Variants in PTPN13 observed in about 807,000 individuals in gnomAD.
PTPN13 encodes the protein tyrosine-protein phosphatase non-receptor type 13.
PTPN13 carries 191 observed loss-of-function variants against 284.0 expected under a neutral mutation model. The ratio of observed to expected loss-of-function variants is 0.67; its 90% CI spans 0.60 to 0.76. The LOEUF is 0.76. Ranked by LOEUF, PTPN13 falls within the 30% of genes least tolerant of loss-of-function variation. The pLI is 0.00. For synonymous variants in PTPN13, 986 were observed against 1,022.3 expected, an observed-to-expected ratio of 0.96 and a Z score of 0.68; for missense variants, 2,797 against 2,939.9, an observed-to-expected ratio of 0.95 and a Z score of 1.12.
chr4:86,806,263 G>A (rs1019926163), intron 44 of PTPN13, among the ~76,000 whole-genome samples: 1 of 151,654 alleles, frequency 6.6e-6, no homozygotes, highest in African/African-American at 2.4e-5. Context: ...ATGAATGTGT[G>A]TGCCAAAATA....
chr4:86,629,972 G>T (rs112511210), intron 1 of PTPN13, among the ~76,000 whole-genome samples: 4,910 of 152,054 alleles, frequency 0.032, 149 homozygotes, highest in Non-Finnish European at 0.05. Context: ...TCGCTGTATT[G>T]CCCAGGCAGT....
intron 17 of PTPN13, among the ~76,000 whole-genome samples, chr4:86,748,517 G>A (rs1342355945): frequency 6.6e-6 from 1 of 152,116 alleles, no homozygotes; most frequent in Non-Finnish European, 1.5e-5. Flanking sequence ...CTTTAAGGAT[G>A]GAGAAACCTA....
intron 2 of PTPN13, among the ~76,000 whole-genome samples, chr4:86,648,978 G>T (rs1255181773): frequency 6.6e-6 from 1 of 152,076 alleles, no homozygotes; most frequent in African/African-American, 2.4e-5. Context: ...GATGATTAGT[G>T]ATTTTGAGCA....
chr4:86,784,538 C>G lies in PTPN13; in HGVS notation c.6098C>G (p.Pro2033Arg). ...TCTACTTATCAGATAAAGGGATCAC[C>G]AAACTTGACTCTGCCCAAAGGTAGT... ...KCSTYQIKGS[P>R]NLTLPKESYI... The change falls in exon 38 of 48, where the codon CCA (proline) becomes CGA (arginine). Residue 2033 changes from proline to arginine, a missense_variant. By Grantham distance (103) the Pro-to-Arg change is moderately radical. Coordinates refer to ENST00000411767, the MANE Select transcript of PTPN13 (RefSeq NM_080683.3). 6.2e-7 allele frequency: 1 copy of G among 1,606,350 alleles called. No individual in the cohort carries two copies. Among genetic ancestry groups the G allele is most frequent in the East Asian group, 2.2e-5 (1 of 44,472 alleles).
intron 28 of PTPN13, among the ~76,000 whole-genome samples, chr4:86,768,183 G>C (rs1739550598): frequency 6.6e-6 from 1 of 152,158 alleles, no homozygotes; most frequent in South Asian, 2.1e-4. Flanking sequence ...GGATAATAAA[G>C]TCATGCATGA....
chr4:86,733,863 A>G (rs1735215074), intron 12 of PTPN13, among the ~76,000 whole-genome samples: 1 of 152,204 alleles, frequency 6.6e-6, no homozygotes, highest in African/African-American at 2.4e-5. Context: ...GCTCAATAAT[A>G]ATAAGTATAC....
rs947221922 is a variant in PTPN13, at chr4:86,693,780, T to G, written c.634+106T>G. 6 of 710,332 alleles carry G rather than the reference T, an allele frequency of 8.4e-6. No homozygotes were observed. The African/African-American group carries it at 8.8e-5, about 10-fold the overall frequency. 44.0% of individuals were successfully genotyped at this position (710,332 alleles called of 1,614,324 possible). On this transcript the variant is annotated intron_variant, in intron 6 of 47. Transcript: ENST00000411767. Reference sequence around the variant, plus strand: ...TGAAATCTGGTAATTGAGACTATGATTAGAACGTAAACGTACAAACTGGAG... The same window carrying G: ...TGAAATCTGGTAATTGAGACTATGAGTAGAACGTAAACGTACAAACTGGAG...
intron 1 of PTPN13, among the ~76,000 whole-genome samples, chr4:86,610,640 T>G (rs1033643940): frequency 4.6e-5 from 7 of 152,228 alleles, no homozygotes; most frequent in Non-Finnish European, 1.5e-5. Flanking sequence ...AATTTTTATA[T>G]GAAATCTCCC....
At position 86,764,707 on chromosome 4, in the gene PTPN13, T is replaced by C. The variant is rs1362622596; in HGVS notation, c.4132T>C (p.Leu1378=). 5.0e-6 allele frequency: 8 copies of C among 1,606,228 alleles called. No individual in the cohort carries two copies. Among genetic ancestry groups the C allele is most frequent in the East Asian group, 2.3e-5 (1 of 44,422 alleles). The change falls in exon 25 of 48, where the codon TTG becomes CTG. Residue 1378 remains leucine (L), a synonymous_variant. Transcript: ENST00000411767. ...EVELAKNDNS[L]GISVTGGVNT... ...TGAACTGGCTAAAAATGATAACAGC[T>C]TGGGGATAAGTGTCACGGTACTGTT...
At chr4:86,617,878 C>G (rs961073079) in intron 1 of PTPN13, among the ~76,000 whole-genome samples, 2 of 151,986 alleles carry the variant, frequency 1.3e-5, no homozygotes, top group African/African-American at 4.8e-5. Context: ...TGTAGGTTGC[C>G]TGTTCACTCT....
intron 1 of PTPN13, among the ~76,000 whole-genome samples, chr4:86,630,279 A>G (rs1490843829): frequency 2.0e-5 from 3 of 152,140 alleles, no homozygotes; most frequent in Non-Finnish European, 4.4e-5. Flanking sequence ...GTACCCAAAT[A>G]AGTCTTCTAA....
intron 1 of PTPN13, among the ~76,000 whole-genome samples, chr4:86,610,698 A>C (rs368427832): frequency 3.9e-4 from 60 of 152,340 alleles, no homozygotes; most frequent in African/African-American, 1.4e-3. Flanking sequence ...GCAAATTTAC[A>C]CTTTTGCAAA....
chr4:86,761,137 T>TC, intron 23 of PTPN13, among the ~76,000 whole-genome samples: 1 of 102,764 alleles, frequency 9.7e-6, no homozygotes, highest in South Asian at 3.1e-4. Flanking sequence ...TGTGTGTGTG[T>TC]AAATATATAT....
intron 1 of PTPN13, among the ~76,000 whole-genome samples, chr4:86,620,493 C>G (rs576508678): frequency 6.6e-6 from 1 of 152,230 alleles, no homozygotes; most frequent in African/African-American, 2.4e-5. Context: ...GGTGACTTAG[C>G]AAGATGATTC....
intron 26 of PTPN13, among the ~76,000 whole-genome samples, chr4:86,766,017 A>G (rs539636232): frequency 1.3e-5 from 2 of 152,130 alleles, no homozygotes; most frequent in South Asian, 4.2e-4. Context: ...TAGTAGAGAC[A>G]GGTTTTCACC....
At chr4:86,778,570 G>C (rs796695968) in intron 35 of PTPN13, among the ~76,000 whole-genome samples, 5 of 152,256 alleles carry the variant, frequency 3.3e-5, no homozygotes, top group African/African-American at 1.2e-4. Context: ...AGAGTCAATG[G>C]TACTTGTCCT....
chr4:86,794,196 TCAG>T (rs1381371658), intron 40 of PTPN13, among the ~76,000 whole-genome samples: 1 of 152,114 alleles, frequency 6.6e-6, no homozygotes, highest in Non-Finnish European at 1.5e-5. Context: ...ATAAGCAACT[TCAG>T]CAAACTCTCA....
intron 10 of PTPN13, 93 bp from the exon 11 acceptor site, chr4:86,732,307 T>C (rs2149128842): frequency 2.9e-6 from 3 of 1,042,930 alleles, no homozygotes; most frequent in South Asian, 3.3e-5. Flanking sequence ...TGTAGTTTCA[T>C]ATGTAATTTA....
intron 14 of PTPN13, among the ~76,000 whole-genome samples, chr4:86,735,255 T>G (rs1735369149): frequency 6.6e-6 from 1 of 152,158 alleles, no homozygotes; most frequent in African/African-American, 2.4e-5. Flanking sequence ...ACAGTATACT[T>G]AAAGCCTGAT....
Sources: gnomAD v4.1 joint callset for allele counts (sites outside exome capture counted in the v4.1 genomes callset) on GRCh38, gnomAD v4.1.1 for gene constraint, MANE v1.5 for transcripts, NCBI Gene and HGNC (gene_info 2026-07-23, HGNC 2026-07-21) for gene names.